GPC5: variants seen among roughly 807,000 people sequenced by gnomAD.
GPC5 encodes glypican-5.
Under a neutral mutation model 53.9 loss-of-function variants are expected in GPC5, and 47 were observed. The observed-to-expected ratio is 0.87, with a 90% CI of 0.69 to 1.11. The LOEUF (loss-of-function observed/expected upper bound fraction) is 1.11. GPC5 is among the 50% of genes most tolerant of loss of function. The pLI, the probability that GPC5 is intolerant of heterozygous loss-of-function variation, is 0.00. For missense variants in GPC5, 748 were observed against 713.1 expected, an observed-to-expected ratio of 1.05 and a Z score of -0.56; for synonymous variants, 286 against 263.3, an observed-to-expected ratio of 1.09 and a Z score of -0.84.
chr13:92,622,371 C>T (rs1469640133), intron 7 of GPC5, among the ~76,000 whole-genome samples: 5 of 152,126 alleles, frequency 3.3e-5, no homozygotes, highest in Admixed American at 6.5e-5. Context: ...AGATGCTGCA[C>T]GCTCCATTTT....
chr13:92,711,193 C>A (rs1018160126), intron 7 of GPC5, among the ~76,000 whole-genome samples: 4 of 152,240 alleles, frequency 2.6e-5, no homozygotes, highest in Non-Finnish European at 4.4e-5. Context: ...AGTAAAAATT[C>A]TCTGTCAATA....
At chr13:92,256,009 T>C (rs537851563) in intron 7 of GPC5, among the ~76,000 whole-genome samples, 1 of 152,228 alleles carries the variant, frequency 6.6e-6, no homozygotes, top group South Asian at 2.1e-4. Context: ...AAATTAATGA[T>C]TCTCTAAAGT....
chr13:91,467,651 AC>A (rs1224826430), intron 2 of GPC5, among the ~76,000 whole-genome samples: 2 of 152,042 alleles, frequency 1.3e-5, no homozygotes, highest in Non-Finnish European at 2.9e-5. Flanking sequence ...GTTTTTAGTA[AC>A]ATCTGTTTAA....
intron 7 of GPC5, among the ~76,000 whole-genome samples, chr13:92,485,703 C>T (rs188381804): frequency 1.1e-4 from 16 of 152,284 alleles, no homozygotes; most frequent in Admixed American, 9.2e-4. Context: ...AGGCCAGGCA[C>T]GTTGGCACAT....
rs141445693 is a variant in GPC5, at chr13:92,494,944, T to G, written c.1561+349955T>G. Among the ~76,000 whole-genome samples, 643 of 152,290 alleles carry G rather than the reference T, an allele frequency of 4.2e-3. 6 individuals are homozygous for G. The highest frequency in any genetic ancestry group is 0.015 in the African/African-American group (626 of 41,576). ...ATTATACAGTTTATTTTTTAAAAAT[T>G]TTTTTGTGAGATACTTAAAATTTCT... On this transcript the variant is annotated intron_variant, in intron 7 of 7. Transcript: ENST00000377067.
chr13:92,398,280 T>G (rs1299692217), intron 7 of GPC5, among the ~76,000 whole-genome samples: 1 of 150,206 alleles, frequency 6.7e-6, no homozygotes, highest in Admixed American at 6.6e-5. Flanking sequence ...ATACAAAAAA[T>G]TAGCCGGGCG....
chr13:92,333,843 A>G (rs1185576828), intron 7 of GPC5, among the ~76,000 whole-genome samples: 5 of 152,136 alleles, frequency 3.3e-5, no homozygotes, highest in African/African-American at 1.2e-4. Context: ...AATTTTAACA[A>G]ATATGATTAA....
At chr13:91,571,838 CTTGT>C (rs2031830662) in intron 2 of GPC5, among the ~76,000 whole-genome samples, 1 of 61,624 alleles carries the variant, frequency 1.6e-5, no homozygotes, top group Non-Finnish European at 2.7e-5. Context: ...TACACATATA[CTTGT>C]GTGTATATAC....
At chr13:92,666,742 ACT>A (rs1252580965) in intron 7 of GPC5, among the ~76,000 whole-genome samples, 1 of 152,162 alleles carries the variant, frequency 6.6e-6, no homozygotes, top group Non-Finnish European at 1.5e-5. Context: ...TGGACTAAAA[ACT>A]CTAAGTGTAT....
At chr13:91,500,836 G>T (rs1884581809) in intron 2 of GPC5, among the ~76,000 whole-genome samples, 1 of 152,156 alleles carries the variant, frequency 6.6e-6, no homozygotes, top group Non-Finnish European at 1.5e-5. Context: ...GAGGGACCAG[G>T]TGGGAGATAA....
At chr13:91,670,549 A>G (rs901195465) in intron 2 of GPC5, among the ~76,000 whole-genome samples, 2 of 152,222 alleles carry the variant, frequency 1.3e-5, no homozygotes, top group African/African-American at 2.4e-5. Flanking sequence ...AGAAAACAAT[A>G]TATTCTTTCT....
chr13:91,893,137 CACAA>C (rs1415826888), intron 5 of GPC5, among the ~76,000 whole-genome samples: 3 of 152,082 alleles, frequency 2.0e-5, no homozygotes, highest in African/African-American at 4.8e-5. Context: ...CAAAGATTTA[CACAA>C]ACAAAGATCA....
intron 5 of GPC5, among the ~76,000 whole-genome samples, chr13:91,779,703 A>G (rs903822422): frequency 9.9e-5 from 15 of 152,122 alleles, no homozygotes; most frequent in African/African-American, 3.6e-4. Flanking sequence ...AAAGACACAA[A>G]CATACATATT....
chr13:92,592,775 G>A (rs780696070), intron 7 of GPC5, among the ~76,000 whole-genome samples: 2 of 151,220 alleles, frequency 1.3e-5, no homozygotes, highest in Non-Finnish European at 3.0e-5. Flanking sequence ...TCCGAAGATT[G>A]GAACAAGTAT....
chr13:91,614,983 A>C (rs1007277187), intron 2 of GPC5, among the ~76,000 whole-genome samples: 1 of 152,190 alleles, frequency 6.6e-6, no homozygotes, highest in African/African-American at 2.4e-5. Flanking sequence ...TGAGCCATCC[A>C]TTCATTTATT....
At position 91,728,668 on chromosome 13, in the gene GPC5, A is replaced by G; in HGVS notation, c.1154+3A>G. The G allele has an allele frequency of 1.2e-6, 2 of 1,607,916 alleles. No homozygotes were observed. Among genetic ancestry groups the G allele is most frequent in the Non-Finnish European group, 1.7e-6 (2 of 1,177,242 alleles). ...GAGACGCTTGCCAACAGAAGAAAGT[A>G]AGACATTTGTTTTACAACCAGAAAG... On this transcript the variant is annotated splice_donor_region_variant and intron_variant, in intron 4 of 7. Transcript: ENST00000377067.
chr13:92,534,000 A>C (rs1042550782), intron 7 of GPC5, among the ~76,000 whole-genome samples: 1 of 152,162 alleles, frequency 6.6e-6, no homozygotes, highest in African/African-American at 2.4e-5. Context: ...TAAATGACAG[A>C]AAGAGACCTG....
intron 7 of GPC5, among the ~76,000 whole-genome samples, chr13:92,524,023 C>A (rs1004432470): frequency 6.6e-6 from 1 of 151,970 alleles, no homozygotes; most frequent in East Asian, 1.9e-4. Context: ...TTGATAGCTG[C>A]CTACTGATCA....
chr13:91,541,045 CA>C (rs1446802927), intron 2 of GPC5, among the ~76,000 whole-genome samples: 1 of 151,978 alleles, frequency 6.6e-6, no homozygotes, highest in Non-Finnish European at 1.5e-5. Context: ...AATTATATCT[CA>C]AAAAATGTTA....
Sources: gnomAD v4.1 joint callset for allele counts (sites outside exome capture counted in the v4.1 genomes callset) on GRCh38, gnomAD v4.1.1 for gene constraint, MANE v1.5 for transcripts, NCBI Gene and HGNC (gene_info 2026-07-23, HGNC 2026-07-21) for gene names.